GARIN5B: variants seen among roughly 807,000 people sequenced by gnomAD.
The protein encoded by GARIN5B is Golgi-associated RAB2 interactor protein 5B.
At chr19:55,359,823 C>A in the GARIN5B span, 1 of 1,551,438 alleles carries the variant, frequency 6.4e-7, no homozygotes, top group Non-Finnish European at 8.7e-7. Context: ...CCCCCAGAGT[C>A]CATGAGGTCT....
the GARIN5B span, chr19:55,358,953 G>A: frequency 6.4e-7 from 1 of 1,551,170 alleles, no homozygotes; most frequent in Non-Finnish European, 8.7e-7. Flanking sequence ...AACTTCCCCT[G>A]GCCCCTGAAG....
At chr19:55,359,821 G>T in the GARIN5B span, 14 of 1,551,440 alleles carry the variant, frequency 9.0e-6, no homozygotes, top group African/African-American at 1.5e-4. Context: ...TGCCCCCAGA[G>T]TCCATGAGGT....
At chr19:55,359,459 T>C in the GARIN5B span, 19 of 1,545,442 alleles carry the variant, frequency 1.2e-5, no homozygotes, top group Non-Finnish European at 1.5e-5. Flanking sequence ...TGGGGCCTTC[T>C]GGGATGGAGC....
chr19:55,362,541 G>A, the GARIN5B span: 4 of 1,530,350 alleles, frequency 2.6e-6, no homozygotes, highest in Non-Finnish European at 3.5e-6. Context: ...AGCAGGAGGG[G>A]TGGAGGGGGC....
At chr19:55,360,679 G>A in the GARIN5B span, 2 of 1,549,812 alleles carry the variant, frequency 1.3e-6, no homozygotes, top group Admixed American at 3.9e-5. Context: ...CCCTGCCCCG[G>A]GTATAAGGCT....
chr19:55,356,482 A>G, the GARIN5B span, among the ~76,000 whole-genome samples: 2 of 151,612 alleles, frequency 1.3e-5, no homozygotes, highest in African/African-American at 4.8e-5. Flanking sequence ...TAATTTTTGT[A>G]TATTTAGTAG....
the GARIN5B span, chr19:55,361,328 AG>A: frequency 6.5e-7 from 1 of 1,539,352 alleles, no homozygotes; most frequent in Non-Finnish European, 8.8e-7. Context: ...CCACCAAGGA[AG>A]GGGGAAGAGC....
At chr19:55,359,001 T>A in the GARIN5B span, 4 of 1,551,092 alleles carry the variant, frequency 2.6e-6, no homozygotes, top group Non-Finnish European at 3.5e-6. Context: ...CTAATCAGGA[T>A]GTCCTTGGAC....
the GARIN5B span, chr19:55,362,903 T>G: frequency 7.4e-5 from 111 of 1,492,304 alleles, no homozygotes; most frequent in Non-Finnish European, 9.7e-5. Flanking sequence ...CCCGGGGCAC[T>G]GGGAACTGGA....
At chr19:55,360,328 C>T in the GARIN5B span, among the ~76,000 whole-genome samples, 42 of 32,240 alleles carry the variant, frequency 1.3e-3, 1 homozygote, top group South Asian at 3.7e-3. Flanking sequence ...TCCCTCAGAC[C>T]CAGGAGTCCA....
At chr19:55,359,401 G>C in the GARIN5B span, 1 of 1,549,912 alleles carries the variant, frequency 6.5e-7, no homozygotes, top group Non-Finnish European at 8.7e-7. Context: ...AGGCCTTTCG[G>C]GGAGAAGCTG....
the GARIN5B span, chr19:55,359,445 T>C: frequency 3.0e-5 from 46 of 1,548,850 alleles, no homozygotes; most frequent in Admixed American, 9.8e-5. Flanking sequence ...GGAGCAGGTA[T>C]GGCTGGGGCC....
the GARIN5B span, among the ~76,000 whole-genome samples, chr19:55,357,143 C>T: frequency 6.6e-6 from 1 of 152,192 alleles, no homozygotes. Flanking sequence ...TGGCCTCCAA[C>T]GATTCACTTT....
At chr19:55,355,406 C>T in the GARIN5B span, 2 of 1,527,514 alleles carry the variant, frequency 1.3e-6, no homozygotes, top group East Asian at 2.5e-5. Context: ...AGAGGGGTAC[C>T]CAGGGCTTTA....
the GARIN5B span, chr19:55,359,624 A>C: frequency 6.4e-7 from 1 of 1,550,806 alleles, no homozygotes; most frequent in East Asian, 2.4e-5. Flanking sequence ...CTGGTCAACA[A>C]GGAACGGTGC....
the GARIN5B span, chr19:55,361,225 C>T: frequency 1.3e-6 from 2 of 1,551,110 alleles, no homozygotes; most frequent in Non-Finnish European, 1.7e-6. Context: ...GAAAGTTGCG[C>T]TCAGCAACCC....
the GARIN5B span, chr19:55,359,991 C>G: frequency 6.5e-7 from 1 of 1,534,204 alleles, no homozygotes; most frequent in Non-Finnish European, 8.8e-7. Context: ...TGTAGGTGGA[C>G]AGAGGGGAGA....
At chr19:55,356,224 G>T in the GARIN5B span, among the ~76,000 whole-genome samples, 1 of 151,498 alleles carries the variant, frequency 6.6e-6, no homozygotes, top group Non-Finnish European at 1.5e-5. Flanking sequence ...AAAAAGAAAA[G>T]AAAAGAAACA....
chr19:55,361,756 CT>C, the GARIN5B span, among the ~76,000 whole-genome samples: 1 of 40,862 alleles, frequency 2.4e-5, no homozygotes, highest in Non-Finnish European at 7.4e-5. Flanking sequence ...ACTGCCAGCC[CT>C]CCACCCTCAG....
Sources: allele counts gnomAD v4.1 joint callset (sites outside exome capture counted in the v4.1 genomes callset), GRCh38; gene constraint gnomAD v4.1.1; transcripts MANE v1.5; gene names NCBI Gene and HGNC (gene_info 2026-07-23, HGNC 2026-07-21).